Variants in ANKS1B observed in about 807,000 individuals in gnomAD.
ANKS1B encodes the protein ankyrin repeat and sterile alpha motif domain containing 1B.
In ANKS1B, 36 loss-of-function variants were observed where a neutral mutation model predicts 148.3. The observed-to-expected ratio is 0.24, with a 90% CI of 0.19 to 0.32. The LOEUF (loss-of-function observed/expected upper bound fraction) is 0.32, where lower values mean the gene tolerates loss of function less well. ANKS1B is among the 10% of genes least tolerant of loss of function. The probability of loss-of-function intolerance (pLI) is 1.00; values close to 1 mark genes in which losing one functional copy is unlikely to be tolerated. For synonymous variants in ANKS1B, 542 were observed against 560.8 expected (o/e 0.97, Z 0.47); for missense variants, 1,157 against 1,542.6 (o/e 0.75, Z 4.19).
chr12:99,186,992 A>G (rs892798344), intron 14 of ANKS1B, among the ~76,000 whole-genome samples: 1 of 150,888 alleles, frequency 6.6e-6, no homozygotes, highest in African/African-American at 2.4e-5. Context: ...GAAGAACATA[A>G]ACGACCTGAT....
At chr12:99,489,889 C>G (rs898341835) in intron 10 of ANKS1B, among the ~76,000 whole-genome samples, 14 of 152,094 alleles carry the variant, frequency 9.2e-5, no homozygotes, top group African/African-American at 3.4e-4. Flanking sequence ...CATAGAAAAC[C>G]TATGTGATTA....
intron 9 of ANKS1B, among the ~76,000 whole-genome samples, chr12:99,562,944 C>A (rs1353007244): frequency 6.6e-6 from 1 of 152,204 alleles, no homozygotes; most frequent in East Asian, 1.9e-4. Context: ...CTTGCTGCTT[C>A]TCCTTACAGT....
intron 15 of ANKS1B, among the ~76,000 whole-genome samples, chr12:99,126,499 C>T (rs1268164005): frequency 1.3e-5 from 2 of 152,022 alleles, no homozygotes; most frequent in African/African-American, 4.8e-5. Flanking sequence ...TAGAGTCTCC[C>T]CCTCCCCCCA....
intron 17 of ANKS1B, among the ~76,000 whole-genome samples, chr12:98,836,642 G>T (rs1255568702): frequency 1.3e-5 from 2 of 152,168 alleles, no homozygotes; most frequent in African/African-American, 4.8e-5. Flanking sequence ...ACAACCCCAG[G>T]CATCATGGGT....
At chr12:99,278,722 C>T (rs989518340) in intron 12 of ANKS1B, among the ~76,000 whole-genome samples, 2 of 151,998 alleles carry the variant, frequency 1.3e-5, no homozygotes, top group Non-Finnish European at 2.9e-5. Flanking sequence ...CTAACTGGTA[C>T]ATATTTGTAA....
At chr12:99,292,267 C>T (rs1302964034) in intron 12 of ANKS1B, among the ~76,000 whole-genome samples, 2 of 151,722 alleles carry the variant, frequency 1.3e-5, no homozygotes, top group South Asian at 2.1e-4. Context: ...GCAAGATGGG[C>T]AGATCACGAG....
chr12:99,087,009 A>G (rs1245739156), intron 15 of ANKS1B, among the ~76,000 whole-genome samples: 1 of 152,182 alleles, frequency 6.6e-6, no homozygotes, highest in Non-Finnish European at 1.5e-5. Context: ...ACAGGAGCAA[A>G]AAGAAGCAGG....
chr12:98,806,329 T>C (rs1010099002), intron 20 of ANKS1B, among the ~76,000 whole-genome samples: 1 of 152,238 alleles, frequency 6.6e-6, no homozygotes, highest in African/African-American at 2.4e-5. Flanking sequence ...TAGGATTTAA[T>C]TGATTTTTAA....
At chr12:99,099,399 C>T (rs966399950) in intron 15 of ANKS1B, among the ~76,000 whole-genome samples, 3 of 152,198 alleles carry the variant, frequency 2.0e-5, no homozygotes, top group Non-Finnish European at 4.4e-5. Context: ...TTTCTGGGAC[C>T]CTGCTCTATC....
At chr12:99,882,971 G>C (rs577113618) in intron 1 of ANKS1B, among the ~76,000 whole-genome samples, 3 of 152,262 alleles carry the variant, frequency 2.0e-5, no homozygotes, top group Admixed American at 6.5e-5. Context: ...GAAACACTAA[G>C]AGAATTTTCA....
At chr12:98,847,572 G>C (rs1277622975) in intron 17 of ANKS1B, among the ~76,000 whole-genome samples, 1 of 148,236 alleles carries the variant, frequency 6.7e-6, no homozygotes, top group African/African-American at 2.5e-5. Context: ...GAACACGGGA[G>C]TGCAGGTATC....
intron 1 of ANKS1B, among the ~76,000 whole-genome samples, chr12:99,963,123 T>A (rs972433731): frequency 1.3e-5 from 2 of 152,208 alleles, no homozygotes; most frequent in Admixed American, 6.5e-5. Flanking sequence ...GATGTTGAGC[T>A]TTTTTACCCG....
At chr12:99,405,026 G>A (rs1241143663) in intron 11 of ANKS1B, among the ~76,000 whole-genome samples, 2 of 145,860 alleles carry the variant, frequency 1.4e-5, no homozygotes, top group Non-Finnish European at 3.0e-5. Flanking sequence ...AGGAAAAAAT[G>A]TTTATCCTAG....
At chr12:99,574,198 C>G (rs1416561053) in intron 9 of ANKS1B, among the ~76,000 whole-genome samples, 1 of 152,140 alleles carries the variant, frequency 6.6e-6, no homozygotes, top group East Asian at 1.9e-4. Context: ...AGTTACATCA[C>G]AGTTCAACTT....
At chr12:99,558,173 G>C (rs565414629) in intron 9 of ANKS1B, among the ~76,000 whole-genome samples, 80 of 152,294 alleles carry the variant, frequency 5.3e-4, no homozygotes, top group Non-Finnish European at 9.3e-4. Context: ...ACACATGATG[G>C]GGTCAGTGGG....
chr12:99,785,486 T>C (rs7310900), intron 4 of ANKS1B, among the ~76,000 whole-genome samples: 3,801 of 152,086 alleles, frequency 0.025, 162 homozygotes, highest in African/African-American at 0.086. Context: ...CAGGCTGGAG[T>C]GCTGTGGCAT....
chr12:99,839,145 G>A (rs1490055190), intron 1 of ANKS1B, among the ~76,000 whole-genome samples: 1 of 152,160 alleles, frequency 6.6e-6, no homozygotes, highest in Non-Finnish European at 1.5e-5. Flanking sequence ...GGGGGCTGAG[G>A]CAGGAGGATC....
At chr12:99,399,382 C>T (rs1316929809) in intron 12 of ANKS1B, among the ~76,000 whole-genome samples, 1 of 152,020 alleles carries the variant, frequency 6.6e-6, no homozygotes, top group East Asian at 1.9e-4. Flanking sequence ...ATTTCCAGGT[C>T]CCTGGTATTT....
Position 98,968,596 on chromosome 12 carries a change from A to G in ANKS1B, c.2778+84561T>C, listed in dbSNP as rs141803886. The stretch of plus-strand genomic sequence containing the variant: ...AACGCACATTGCTCACTTCCATACA[A>G]CTTTGGAGAGGGGAAGGTATCTAAC... On this transcript the variant is annotated intron_variant, in intron 17 of 26. Coordinates refer to ENST00000683438, the MANE Select transcript of ANKS1B (RefSeq NM_001352186.2). Among the ~76,000 whole-genome samples, 12 of 152,332 alleles carry G rather than the reference A, an allele frequency of 7.9e-5. No individual in the cohort carries two copies. In the East Asian group the frequency reaches 2.3e-3, roughly 29 times the overall value.
Sources: gnomAD v4.1 joint callset for allele counts (sites outside exome capture counted in the v4.1 genomes callset) on GRCh38, gnomAD v4.1.1 for gene constraint, MANE v1.5 for transcripts, NCBI Gene and HGNC (gene_info 2026-07-23, HGNC 2026-07-21) for gene names.